EPHA6: variants seen among roughly 807,000 people sequenced by gnomAD.
The protein encoded by EPHA6 is EPH receptor A6.
A neutral mutation model predicts 112.0 loss-of-function variants in EPHA6; 50 were observed. The ratio of observed to expected loss-of-function variants is 0.45; its 90% CI spans 0.36 to 0.56. The LOEUF is 0.56. Among genes scored for constraint, EPHA6 ranks in the 20% least tolerant of loss-of-function variants. The probability of loss-of-function intolerance (pLI) is 0.00; values close to 1 mark genes in which losing one functional copy is unlikely to be tolerated. For synonymous variants in EPHA6, 529 were observed against 490.7 expected, an observed-to-expected ratio of 1.08 and a Z score of -1.03; for missense variants, 1,280 against 1,417.4, an observed-to-expected ratio of 0.90 and a Z score of 1.56.
chr3:97,570,520 G>A (rs750602365), intron 11 of EPHA6, among the ~76,000 whole-genome samples: 14 of 152,066 alleles, frequency 9.2e-5, no homozygotes, highest in South Asian at 2.1e-4. Flanking sequence ...TCACGAGGTC[G>A]GGAGTTGAAC....
chr3:97,071,281 C>T (rs2046346022), intron 3 of EPHA6, among the ~76,000 whole-genome samples: 1 of 151,922 alleles, frequency 6.6e-6, no homozygotes, highest in African/African-American at 2.4e-5. Flanking sequence ...TTTTTTCCTT[C>T]CAACAAATAA....
chr3:96,833,946 C>T (rs2034245992), intron 1 of EPHA6, among the ~76,000 whole-genome samples: 1 of 151,814 alleles, frequency 6.6e-6, no homozygotes, highest in Non-Finnish European at 1.5e-5. Flanking sequence ...AAAAAAATTT[C>T]CCAAAGCTAA....
chr3:97,065,365 CAA>C (rs1434149775), intron 3 of EPHA6, among the ~76,000 whole-genome samples: 5 of 152,056 alleles, frequency 3.3e-5, no homozygotes, highest in Admixed American at 3.3e-4. Context: ...CAAATCAAGG[CAA>C]AGAGTCTTTC....
intron 2 of EPHA6, among the ~76,000 whole-genome samples, chr3:96,985,312 CA>C (rs1402342885): frequency 6.6e-6 from 1 of 152,034 alleles, no homozygotes; most frequent in Non-Finnish European, 1.5e-5. Context: ...TAAATATATT[CA>C]AAATAAAAAT....
At chr3:97,477,443 AAGGGAAGGGG>A (rs1029623359) in intron 8 of EPHA6, among the ~76,000 whole-genome samples, 2 of 131,898 alleles carry the variant, frequency 1.5e-5, no homozygotes, top group African/African-American at 6.0e-5. Flanking sequence ...AGAGGAAGGG[AAGGGAAGGGG>A]AGGGGAGGGG....
chr3:97,603,157 G>A (rs1192874208), intron 12 of EPHA6, among the ~76,000 whole-genome samples: 1 of 151,918 alleles, frequency 6.6e-6, no homozygotes, highest in East Asian at 1.9e-4. Context: ...AATCCAACAT[G>A]AGGCAAATTT....
intron 14 of EPHA6, among the ~76,000 whole-genome samples, chr3:97,645,059 T>C (rs1388375296): frequency 6.6e-6 from 1 of 151,942 alleles, no homozygotes; most frequent in African/African-American, 2.4e-5. Flanking sequence ...GCAAAACGAA[T>C]CCAGCAGCAT....
At chr3:97,545,681 T>C (rs2092934557) in intron 11 of EPHA6, among the ~76,000 whole-genome samples, 1 of 152,160 alleles carries the variant, frequency 6.6e-6, no homozygotes, top group Admixed American at 6.5e-5. Context: ...AGTCTCTCAT[T>C]ATTATTGTGT....
At chr3:97,111,984 G>T (rs548306250) in intron 3 of EPHA6, among the ~76,000 whole-genome samples, 48 of 152,114 alleles carry the variant, frequency 3.2e-4, no homozygotes, top group African/African-American at 9.9e-4. Flanking sequence ...TGTAATTTTA[G>T]ATTTTGCCAC....
chr3:97,685,173 A>G (rs1412840824), intron 14 of EPHA6, among the ~76,000 whole-genome samples: 1 of 152,226 alleles, frequency 6.6e-6, no homozygotes, highest in East Asian at 1.9e-4. Flanking sequence ...ACTACTATTA[A>G]TAAACCAAAT....
At chr3:96,887,126 C>G (rs2037672614) in intron 2 of EPHA6, among the ~76,000 whole-genome samples, 1 of 151,974 alleles carries the variant, frequency 6.6e-6, no homozygotes, top group South Asian at 2.1e-4. Context: ...TGCTGCTGAA[C>G]TAGTGTGATT....
intron 2 of EPHA6, among the ~76,000 whole-genome samples, chr3:96,934,595 G>A (rs974533596): frequency 2.0e-5 from 3 of 151,224 alleles, no homozygotes; most frequent in East Asian, 3.9e-4. Flanking sequence ...ATTTTACCCT[G>A]TGTATAACTA....
intron 1 of EPHA6, among the ~76,000 whole-genome samples, chr3:96,837,813 A>C (rs957795223): frequency 8.5e-5 from 13 of 152,122 alleles, no homozygotes; most frequent in African/African-American, 3.1e-4. Context: ...TGCATACTTT[A>C]AAGAATAATC....
At chr3:96,843,958 A>G (rs2034913922) in intron 1 of EPHA6, among the ~76,000 whole-genome samples, 1 of 152,048 alleles carries the variant, frequency 6.6e-6, no homozygotes, top group Admixed American at 6.6e-5. Flanking sequence ...TAAAATGTAC[A>G]AAGCATATTG....
At position 97,300,001 on chromosome 3, in the gene EPHA6, C is replaced by T. The variant is rs141332422; in HGVS notation, c.1606+55714C>T. Among the ~76,000 whole-genome samples the T allele has an allele frequency of 1.9e-3, 282 of 152,234 alleles. 1 individual carries two copies. The highest frequency in any genetic ancestry group is 6.5e-3 in the African/African-American group (271 of 41,556). ...TATAATAGGAAAATTAGGATTCCTTCACCACATATGAAACATTTTATACTC... is the reference window on the plus strand; with the variant it reads ...TATAATAGGAAAATTAGGATTCCTTTACCACATATGAAACATTTTATACTC... On this transcript the variant is annotated intron_variant, in intron 5 of 17. Transcript: ENST00000389672.
In EPHA6 at chr3:97,114,549, T is replaced by C. The variant is rs372597075; in HGVS notation, c.1115-111715T>C. The stretch of plus-strand genomic sequence containing the variant: ...TATTTTGGTGTTTTGAGATTTTATA[T>C]AATTTTATTTTTAAATTGTCTCTTC... On this transcript the variant is annotated intron_variant, in intron 3 of 17. Transcript: ENST00000389672. 3.3e-5 allele frequency among the ~76,000 whole-genome samples: 5 copies of C among 152,194 alleles called. No individual in the cohort carries two copies. The East Asian group carries it at 5.8e-4, about 18-fold the overall frequency.
Position 96,987,490 on chromosome 3 carries a change from A to G in EPHA6, c.611A>G (p.Asp204Gly), listed in dbSNP as rs1202407425. ...GTGGAAATGAAATTCACACTAAGGG[A>G]TTGTAACAGCATCCCATGGGTCTTG... ...IYVEMKFTLR[D>G]CNSIPWVLGT... is the part of the protein sequence containing the mutation. The change falls in exon 3 of 18, where the codon GAT becomes GGT. Residue 204 changes from aspartate (D) to glycine (G), a missense_variant. This residue lies in a region of EPHA6 where 878 missense variants were observed against 999.7 expected (regional missense o/e 0.88). Transcript: ENST00000389672. The G allele has an allele frequency of 6.2e-7, 1 of 1,613,836 alleles. No individual in the cohort carries two copies. Among genetic ancestry groups the G allele is most frequent in the East Asian group, 2.2e-5 (1 of 44,886 alleles).
chr3:97,577,227 G>A (rs1040383009), intron 11 of EPHA6, among the ~76,000 whole-genome samples: 3 of 152,092 alleles, frequency 2.0e-5, no homozygotes, highest in Admixed American at 1.3e-4. Flanking sequence ...AATTGTAAAC[G>A]TAGAGTTGGA....
At chr3:97,543,703 G>A (rs867095120) in intron 11 of EPHA6, among the ~76,000 whole-genome samples, 1,643 of 151,922 alleles carry the variant, frequency 0.011, 27 homozygotes, top group African/African-American at 0.037. Context: ...CCATTTTCAC[G>A]ATATTGATTC....
Sources: gnomAD v4.1 joint callset for allele counts (sites outside exome capture counted in the v4.1 genomes callset) on GRCh38, gnomAD v4.1.1 for gene constraint, gnomAD v4.1.1 regional missense constraint, MANE v1.5 for transcripts, NCBI Gene and HGNC (gene_info 2026-07-23, HGNC 2026-07-21) for gene names.